Variants in TMEM71 observed in about 807,000 individuals in gnomAD.
TMEM71 encodes transmembrane protein 71.
A neutral mutation model predicts 38.0 loss-of-function variants in TMEM71; 44 were observed. The ratio of observed to expected loss-of-function variants is 1.16; its 90% CI spans 0.91 to 1.49. The LOEUF (loss-of-function observed/expected upper bound fraction) is 1.49. Ranked by LOEUF, TMEM71 falls within the 40% of genes most tolerant of loss-of-function variation. TMEM71 has a pLI of 0.00. For missense variants in TMEM71, 367 were observed against 348.6 expected (o/e 1.05, Z -0.42); for synonymous variants, 133 against 122.5 (o/e 1.09, Z -0.56).
the TMEM71 span, among the ~76,000 whole-genome samples, chr8:132,773,620 G>C: frequency 6.6e-6 from 1 of 152,268 alleles, no homozygotes; most frequent in South Asian, 2.1e-4. Context: ...TTTAACTCCA[G>C]GCTGACCATC....
intron 1 of TMEM71, chr8:132,759,161 C>G (rs1829192539): frequency 6.5e-6 from 2 of 309,910 alleles, no homozygotes; most frequent in Non-Finnish European, 1.2e-5. Flanking sequence ...AAATAAGAAC[C>G]ACACTTTATT....
chr8:132,760,539 C>A lies in TMEM71; in HGVS notation c.-100G>T, dbSNP rs557699886. On this transcript the variant is annotated 5_prime_UTR_variant, in exon 1 of 10. Transcript: ENST00000677595. Reference sequence around the variant, plus strand: ...GGTGCTTGCAGAGAAGTTTTGTCTTCGGCAGCCTCTTGTTCTCTTGTCTGT... The same window carrying A: ...GGTGCTTGCAGAGAAGTTTTGTCTTAGGCAGCCTCTTGTTCTCTTGTCTGT... 6.6e-6 allele frequency: 1 copy of A among 152,364 alleles called. No homozygotes were observed. The highest frequency in any genetic ancestry group is 1.9e-4 in the East Asian group (1 of 5,180). The allele number at this position is 152,364 out of a possible 1,614,324, so 9.4% of individuals were successfully genotyped here. A position where few individuals can be genotyped will look rare whatever the true frequency, so the allele number is the denominator to read the frequency against.
At chr8:132,715,555 T>C (rs760505528) in intron 7 of TMEM71, among the ~76,000 whole-genome samples, 8 of 151,378 alleles carry the variant, frequency 5.3e-5, no homozygotes, top group Non-Finnish European at 1.2e-4. Context: ...AGACTTACCA[T>C]ATAACCCAAC....
At chr8:132,756,475 A>G (rs982663381) in intron 3 of TMEM71, among the ~76,000 whole-genome samples, 2 of 142,756 alleles carry the variant, frequency 1.4e-5, no homozygotes, top group Non-Finnish European at 3.0e-5. Flanking sequence ...TTTATTTAGT[A>G]TGTACATGGC....
At chr8:132,731,038 C>T (rs1827425310) in intron 5 of TMEM71, among the ~76,000 whole-genome samples, 2 of 152,158 alleles carry the variant, frequency 1.3e-5, no homozygotes, top group African/African-American at 4.8e-5. Flanking sequence ...ACTTTGGCAT[C>T]AGAAAGACTG....
chr8:132,773,543 T>C, the TMEM71 span, among the ~76,000 whole-genome samples: 3 of 152,336 alleles, frequency 2.0e-5, no homozygotes, highest in East Asian at 5.8e-4. Flanking sequence ...TGTATAATAA[T>C]AGATATTTAT....
intron 3 of TMEM71, among the ~76,000 whole-genome samples, chr8:132,752,198 G>A (rs1185584077): frequency 6.6e-6 from 1 of 152,124 alleles, no homozygotes; most frequent in Non-Finnish European, 1.5e-5. Context: ...AGAAACTTTA[G>A]CGTTTCTTTC....
chr8:132,757,734 G>A (rs1829106173), intron 2 of TMEM71, among the ~76,000 whole-genome samples: 1 of 151,652 alleles, frequency 6.6e-6, no homozygotes, highest in Admixed American at 6.6e-5. Context: ...GCTGAGGCAG[G>A]AGAATGGCGT....
At chr8:132,708,953 A>T (rs534831853), downstream of TMEM71, among the ~76,000 whole-genome samples, 35 of 152,262 alleles carry the variant, frequency 2.3e-4, no homozygotes, top group South Asian at 6.2e-3. Flanking sequence ...AAACTGTAAG[A>T]TAATAAATTT....
At chr8:132,763,010 G>A (rs568577159), upstream of TMEM71, among the ~76,000 whole-genome samples, 1 of 152,216 alleles carries the variant, frequency 6.6e-6, no homozygotes, top group East Asian at 1.9e-4. Context: ...TCTCTCTTGA[G>A]ACCCACTCAT....
rs150811228 is a variant in TMEM71 at position 132,717,285 on chromosome 8, G to A, written c.753-3070C>T. On this transcript the variant is annotated intron_variant, in intron 7 of 9. Coordinates refer to ENST00000677595, the MANE Select transcript of TMEM71 (RefSeq NM_001382403.1). ...ACTTCTGCACATAAAGAATACATTC[G>A]ACAGAGTGAAAAGGCAAACCACAGA... Among the ~76,000 whole-genome samples, 430 of 152,266 alleles carry A rather than the reference G, an allele frequency of 2.8e-3. 2 individuals carry two copies. The highest frequency in any genetic ancestry group is 9.7e-3 in the African/African-American group (403 of 41,574).
At chr8:132,764,689 T>C (rs1354510897), upstream of TMEM71, among the ~76,000 whole-genome samples, 1 of 152,228 alleles carries the variant, frequency 6.6e-6, no homozygotes, top group East Asian at 1.9e-4. Flanking sequence ...AAAGAGCTTT[T>C]TCTCTGAGCA....
intron 2 of TMEM71, 112 bp from the exon 3 acceptor site, chr8:132,757,406 A>T: frequency 1.4e-6 from 1 of 727,976 alleles, no homozygotes; most frequent in Non-Finnish European, 2.3e-6. Context: ...ATGTAAGAAG[A>T]TGGGAATAGC....
At position 132,722,068 on chromosome 8, in the gene TMEM71, C is replaced by T. The variant is rs1826883384; in HGVS notation, c.724G>A (p.Val242Met). 3 of 1,614,106 alleles carry T rather than the reference C, an allele frequency of 1.9e-6. No homozygotes were observed. Among genetic ancestry groups the T allele is most frequent in the Middle Eastern group, 1.6e-4 (1 of 6,062 alleles). The change falls in exon 7 of 10, where the codon GTG becomes ATG. Residue 242 changes from valine (V) to methionine (M), a missense_variant. By Grantham distance (21) the Val-to-Met change is conservative. Coordinates refer to ENST00000677595, the MANE Select transcript of TMEM71 (RefSeq NM_001382403.1). Reference sequence around the variant, plus strand: ...GCACATGCAGAAATGATTAAGCACACAGCAAGCAGGATTGCCTGAAAGAAG... The same window carrying T: ...GCACATGCAGAAATGATTAAGCACATAGCAAGCAGGATTGCCTGAAAGAAG... ...EVFFQAILLA[V>M]CLIISACARW...
At chr8:132,711,445 G>A (rs902864481) in intron 9 of TMEM71, among the ~76,000 whole-genome samples, 1 of 152,168 alleles carries the variant, frequency 6.6e-6, no homozygotes, top group Admixed American at 6.5e-5. Context: ...AGAACAGCCT[G>A]TAGGGTAACA....
At chr8:132,763,944 C>G (rs1586810994), upstream of TMEM71, among the ~76,000 whole-genome samples, 1 of 152,306 alleles carries the variant, frequency 6.6e-6, no homozygotes, top group Non-Finnish European at 1.5e-5. Flanking sequence ...AAACAACGAA[C>G]AAACATGTCT....
At chr8:132,726,597 A>C (rs1586789184) in intron 6 of TMEM71, among the ~76,000 whole-genome samples, 1 of 152,288 alleles carries the variant, frequency 6.6e-6, no homozygotes, top group East Asian at 1.9e-4. Context: ...TCTGAGTTAT[A>C]GCTAAGGAGT....
upstream of TMEM71, among the ~76,000 whole-genome samples, chr8:132,762,082 G>T (rs1022211740): frequency 2.6e-5 from 4 of 152,204 alleles, no homozygotes; most frequent in Admixed American, 6.5e-5. Flanking sequence ...AAGCCACCAC[G>T]TTTTGAGGTA....
chr8:132,734,153 TACAC>T (rs35673804), intron 5 of TMEM71, among the ~76,000 whole-genome samples: 13 of 148,882 alleles, frequency 8.7e-5, no homozygotes, highest in East Asian at 7.9e-4. Flanking sequence ...GTTATGTTCT[TACAC>T]ACACACACAC....
Sources: gnomAD v4.1 joint callset for allele counts (sites outside exome capture counted in the v4.1 genomes callset) on GRCh38, gnomAD v4.1.1 for gene constraint, MANE v1.5 for transcripts, NCBI Gene and HGNC (gene_info 2026-07-23, HGNC 2026-07-21) for gene names.